TG: variants seen among roughly 807,000 people sequenced by gnomAD.
The protein encoded by TG is thyroglobulin.
Under a neutral mutation model 324.7 loss-of-function variants are expected in TG, and 270 were observed. The ratio of observed to expected loss-of-function variants is 0.83; its 90% CI spans 0.75 to 0.92. TG has a LOEUF of 0.92. Ranked by LOEUF, TG falls within the 40% of genes least tolerant of loss-of-function variation. The pLI is 0.00. For missense variants in TG, 3,591 were observed against 3,456.4 expected (o/e 1.04, Z -0.98); for synonymous variants, 1,401 against 1,327.0 (o/e 1.06, Z -1.21).
At chr8:132,924,756 C>T (rs1163537581) in intron 22 of TG, among the ~76,000 whole-genome samples, 3 of 152,308 alleles carry the variant, frequency 2.0e-5, no homozygotes, top group Admixed American at 1.3e-4. Context: ...GCAGTTTCTT[C>T]GTCTGTAAAA....
chr8:133,108,075 A>G (rs1849970530), intron 43 of TG, among the ~76,000 whole-genome samples: 1 of 144,396 alleles, frequency 6.9e-6, no homozygotes, highest in Non-Finnish European at 1.5e-5. Context: ...TCTGTCTGCC[A>G]GTTTCACCCC....
At chr8:133,077,105 G>C (rs1475759175) in intron 41 of TG, among the ~76,000 whole-genome samples, 1 of 152,174 alleles carries the variant, frequency 6.6e-6, no homozygotes, top group Non-Finnish European at 1.5e-5. Context: ...GATATCATTA[G>C]GCTGAGAACT....
intron 27 of TG, among the ~76,000 whole-genome samples, chr8:132,957,711 A>G (rs908444944): frequency 6.8e-6 from 1 of 146,730 alleles, no homozygotes; most frequent in South Asian, 2.2e-4. Context: ...AGGGACTGTA[A>G]CCCAAATTCC....
At chr8:133,109,378 T>C (rs551527911) in intron 43 of TG, among the ~76,000 whole-genome samples, 2 of 152,296 alleles carry the variant, frequency 1.3e-5, no homozygotes, top group South Asian at 2.1e-4. Context: ...ATAGCTGTTA[T>C]CCAGGCAAAC....
chr8:133,081,121 C>T (rs1845679090), intron 41 of TG, among the ~76,000 whole-genome samples: 1 of 152,252 alleles, frequency 6.6e-6, no homozygotes, highest in Non-Finnish European at 1.5e-5. Context: ...TGTGTACAGC[C>T]CACCTGGTCT....
At chr8:132,996,025 A>G (rs758864612) in intron 35 of TG, among the ~76,000 whole-genome samples, 7 of 152,114 alleles carry the variant, frequency 4.6e-5, no homozygotes, top group Non-Finnish European at 7.4e-5. Context: ...AGTCATATGG[A>G]GGAGGTGGCA....
At chr8:132,881,294 C>A (rs1282570774) in intron 5 of TG, among the ~76,000 whole-genome samples, 7 of 152,056 alleles carry the variant, frequency 4.6e-5, no homozygotes, top group Non-Finnish European at 8.8e-5. Flanking sequence ...AGATGGATAG[C>A]CCTTGTTAGT....
chr8:133,075,168 C>T (rs926241817), intron 41 of TG: 1 of 975,686 alleles, frequency 1.0e-6, no homozygotes, highest in East Asian at 1.1e-4. Flanking sequence ...TTTTACAAAG[C>T]ATTTGAGAAT....
chr8:132,916,825 A>C (rs1230321215), intron 20 of TG, among the ~76,000 whole-genome samples: 1 of 152,184 alleles, frequency 6.6e-6, no homozygotes, highest in Non-Finnish European at 1.5e-5. Flanking sequence ...GAAATTGTCT[A>C]TATTTTTCAT....
In TG at chr8:132,901,507, A is replaced by G; in HGVS notation, c.3588A>G (p.Glu1196=). Residue 1196 remains glutamate (E), a synonymous_variant, in exon 16 of 48, where the codon GAA becomes GAG. Transcript: ENST00000220616. ...GCTGGTGTGTCATGGACAGCGGAGA[A>G]GAGGTGCCTGGGACGCGCGTGACCG... ...GSCWCVMDSG[E]EVPGTRVTGG... is the part of the protein sequence containing the mutation. 6.2e-7 allele frequency: 1 copy of G among 1,614,024 alleles called. No homozygotes were observed. Among genetic ancestry groups the G allele is most frequent in the Non-Finnish European group, 8.5e-7 (1 of 1,180,036 alleles).
intron 44 of TG, among the ~76,000 whole-genome samples, chr8:133,115,579 C>T (rs909934760): frequency 6.6e-6 from 1 of 152,216 alleles, no homozygotes; most frequent in African/African-American, 2.4e-5. Flanking sequence ...CTGAGGGACT[C>T]CCATGGGTGT....
intron 16 of TG, 127 bp from the exon 17 acceptor site, chr8:132,906,561 A>AC (rs1431752075): frequency 1.8e-6 from 2 of 1,086,026 alleles, no homozygotes; most frequent in Admixed American, 4.1e-5. Flanking sequence ...TGAGAGCTTG[A>AC]CAGGTCCAGG....
At chr8:132,976,777 T>C (rs1165238453) in intron 34 of TG, among the ~76,000 whole-genome samples, 1 of 152,208 alleles carries the variant, frequency 6.6e-6, no homozygotes. Context: ...GAGGACTGGC[T>C]GTCACAAGGT....
intron 45 of TG, among the ~76,000 whole-genome samples, chr8:133,128,248 A>G (rs1851672148): frequency 6.6e-6 from 1 of 151,720 alleles, no homozygotes; most frequent in Admixed American, 6.6e-5. Context: ...CTGTGGGCGG[A>G]GCAGGGTCTT....
In TG at chr8:132,898,240, C is replaced by T; in HGVS notation, c.3211C>T (p.Pro1071Ser). 6.3e-7 allele frequency: 1 copy of T among 1,597,404 alleles called. No individual in the cohort carries two copies. Among genetic ancestry groups the T allele is most frequent in the East Asian group, 2.2e-5 (1 of 44,604 alleles). The part of the protein sequence containing the change: ...GSLTARSLQI[P>S]QCPTTCEKSR... Reference sequence around the variant, plus strand: ...ACTGACTGCCCGCTCTCTGCAGATTCCACAGTGTAAGTGAAGACTGCAGAG... The same window carrying T: ...ACTGACTGCCCGCTCTCTGCAGATTTCACAGTGTAAGTGAAGACTGCAGAG... The change falls in exon 13 of 48, where the codon CCA (proline) becomes TCA (serine). Residue 1071 changes from proline (P) to serine (S), a missense_variant. Physicochemically the swap from Pro to Ser is moderately conservative, Grantham distance 74 (BLOSUM62 -1). Transcript: ENST00000220616.
chr8:133,092,793 G>A (rs539172737), intron 41 of TG, among the ~76,000 whole-genome samples: 7 of 152,148 alleles, frequency 4.6e-5, no homozygotes, highest in Non-Finnish European at 8.8e-5. Context: ...TTAAAATGAA[G>A]GCTGAGTCAA....
intron 43 of TG, among the ~76,000 whole-genome samples, chr8:133,108,144 G>A (rs1054662061): frequency 6.6e-6 from 1 of 151,548 alleles, no homozygotes; most frequent in Non-Finnish European, 1.5e-5. Context: ...ACCACACCTG[G>A]CTATTTTTTT....
chr8:133,046,798 G>A (rs1270927673), intron 41 of TG, among the ~76,000 whole-genome samples: 1 of 152,162 alleles, frequency 6.6e-6, no homozygotes, highest in Admixed American at 6.5e-5. Flanking sequence ...AAAGTTGATC[G>A]CAGATTTTTT....
intron 27 of TG, 92 bp downstream of exon 27, chr8:132,949,035 C>A: frequency 2.6e-6 from 3 of 1,156,040 alleles, no homozygotes; most frequent in South Asian, 1.2e-5. Flanking sequence ...TCCTTGTGGC[C>A]TGAGGAGCTT....
Sources: allele counts gnomAD v4.1 joint callset (sites outside exome capture counted in the v4.1 genomes callset), GRCh38; gene constraint gnomAD v4.1.1; transcripts MANE v1.5; gene names NCBI Gene and HGNC (gene_info 2026-07-23, HGNC 2026-07-21).